FBXL6: variants seen among roughly 807,000 people sequenced by gnomAD.
FBXL6 encodes the protein F-box and leucine rich repeat protein 6, also known as F-box/LRR-repeat protein 6.
FBXL6 carries 50 observed loss-of-function variants against 53.3 expected under a neutral mutation model. The ratio of observed to expected loss-of-function variants is 0.94; its 90% CI spans 0.75 to 1.19. FBXL6 has a LOEUF of 1.19. FBXL6 is among the 50% of genes most tolerant of loss of function. The pLI, the probability that FBXL6 is intolerant of heterozygous loss-of-function variation, is 0.00. For missense variants in FBXL6, 815 were observed against 719.0 expected (o/e 1.13, Z -1.53); for synonymous variants, 405 against 322.9 (o/e 1.25, Z -2.73).
Position 144,357,027 on chromosome 8 carries a change from C to T in FBXL6, c.734G>A (p.Cys245Tyr). ...ADALVMLAKA[C>Y]CQLHSLDLQH... ...TAGGTCCAGGCTATGGAGCTGGCAG[C>T]AGGCTTTGGCTAGCATGACCAGAGC... Residue 245 changes from cysteine to tyrosine, a missense_variant, in exon 4 of 9, where the codon TGC becomes TAC. Physicochemically the swap from Cys to Tyr is radical, Grantham distance 194. Coordinates refer to ENST00000331890, the MANE Select transcript of FBXL6 (RefSeq NM_012162.4). 6.2e-7 allele frequency: 1 copy of T among 1,613,014 alleles called. No individual in the cohort carries two copies. The highest frequency in any genetic ancestry group is 1.7e-5 in the Admixed American group (1 of 60,020).
At position 144,356,227 on chromosome 8, in the gene FBXL6, G is replaced by A; in HGVS notation, c.1226-13C>T. 3 of 1,256,452 alleles carry A rather than the reference G, an allele frequency of 2.4e-6. No individual in the cohort carries two copies. Among genetic ancestry groups the A allele is most frequent in the Non-Finnish European group, 2.0e-6 (2 of 993,220 alleles). The allele number at this position is 1,256,452 out of a possible 1,614,324, so 77.8% of individuals were successfully genotyped here. ...AGCTGCTCCAGCTCTGCAGTGAAAG[G>A]AGTGAGCATAAGCTACAAGGTGACA... On this transcript the variant is annotated splice_polypyrimidine_tract_variant and intron_variant, in intron 7 of 8. Transcript: ENST00000331890.
chr8:144,357,243 C>T, intron 3 of FBXL6, 122 bp from the exon 4 acceptor site: 2 of 1,399,114 alleles, frequency 1.4e-6, no homozygotes, highest in Non-Finnish European at 1.9e-6. Flanking sequence ...CCTTTCTGCC[C>T]ATGCCAGGCC....
At chr8:144,355,881 C>G (rs1302639929) in intron 8 of FBXL6, 87 bp downstream of exon 8, 1 of 1,577,822 alleles carries the variant, frequency 6.3e-7, no homozygotes, top group African/African-American at 1.3e-5. Context: ...CTGGAGGTCT[C>G]AGGCCAGGCA....
chr8:144,356,325 A>G lies in FBXL6; in HGVS notation c.1200T>C (p.Ala400=). 9.8e-7 allele frequency: 1 copy of G among 1,016,044 alleles called. No individual in the cohort carries two copies. The highest frequency in any genetic ancestry group is 1.3e-6 in the Non-Finnish European group (1 of 784,680). The allele number at this position is 1,016,044 out of a possible 1,614,324, so 62.9% of individuals were successfully genotyped here. The change falls in exon 7 of 9, where the codon GCT becomes GCC. Residue 400 remains alanine (A), a synonymous_variant. Transcript: ENST00000331890. ...CCCGACATGGCAGATCCTGAAGGCC[A>G]GCCGGCGTGATGCGCGCACAGCCAC... The part of the protein sequence containing the change: ...DLRGCARITP[A]GLQDLPCREL...
chr8:144,355,726 G>A, intron 8 of FBXL6, 48 bp from the exon 9 acceptor site: 2 of 1,599,036 alleles, frequency 1.3e-6, no homozygotes. Context: ...CCTCAGAAGG[G>A]CTGGGCCAGG....
intron 3 of FBXL6, 58 bp downstream of exon 3, chr8:144,357,381 A>G: frequency 4.5e-6 from 7 of 1,541,976 alleles, no homozygotes; most frequent in Non-Finnish European, 5.3e-6. Flanking sequence ...CACTTCCTAG[A>G]GTACTGAACA....
In FBXL6 at chr8:144,356,661, C is replaced by T. The variant is rs782567879; in HGVS notation, c.932G>A (p.Arg311His). The T allele has an allele frequency of 2.3e-5, 37 of 1,612,568 alleles. No individual in the cohort carries two copies. The highest frequency in any genetic ancestry group is 1.6e-4 in the Middle Eastern group (1 of 6,084). ...AGGCAGCTGAAGGGGAATGCTATTACGGTTGATGCCGGTGCTCACCTCCAG... is the reference window on the plus strand; with the variant it reads ...AGGCAGCTGAAGGGGAATGCTATTATGGTTGATGCCGGTGCTCACCTCCAG... ...QVLEVSTGIN[R>H]NSIPLQLPVE... Residue 311 changes from arginine to histidine, a missense_variant, in exon 6 of 9, where the codon CGT becomes CAT. Coordinates refer to ENST00000331890, the MANE Select transcript of FBXL6 (RefSeq NM_012162.4).
At position 144,357,652 on chromosome 8, in the gene FBXL6, G is replaced by A. The variant is rs1034697377; in HGVS notation, c.551C>T (p.Ser184Phe). ...CCGATTGGGCATAAGCCACTCCAGG[G>A]AAGCAAGGAGCTTCTTCTCCGCCTT... ...GVKAEKKLLA[S>F]LEWLMPNRFS... The change falls in exon 2 of 9, where the codon TCC becomes TTC. Residue 184 changes from serine to phenylalanine, a missense_variant. Ser to Phe is a radical substitution (Grantham distance 155). Coordinates refer to ENST00000331890, the MANE Select transcript of FBXL6 (RefSeq NM_012162.4). 10 of 1,610,536 alleles carry A rather than the reference G, an allele frequency of 6.2e-6. No individual in the cohort carries two copies. The highest frequency in any genetic ancestry group is 1.1e-5 in the South Asian group (1 of 90,920).
rs1818411183 is a variant in FBXL6, at chr8:144,356,296, T to C, written c.1225+4A>G. 1 of 762,332 alleles carries C rather than the reference T, an allele frequency of 1.3e-6. No individual in the cohort carries two copies. Among genetic ancestry groups the C allele is most frequent in the African/African-American group, 2.8e-5 (1 of 35,512 alleles). 47.2% of individuals were successfully genotyped at this position (762,332 alleles called of 1,614,324 possible). On this transcript the variant is annotated splice_donor_region_variant and intron_variant, in intron 7 of 8. Transcript: ENST00000331890. ...CCGCCCGGCCACCACCCAGGACTGC[T>C]GACCCCGACATGGCAGATCCTGAAG... is the stretch of plus-strand genomic sequence containing the variant.
chr8:144,356,565 G>C (rs1818432478), intron 6 of FBXL6, 34 bp from the exon 7 acceptor site: 11 of 1,612,494 alleles, frequency 6.8e-6, no homozygotes, highest in Non-Finnish European at 7.6e-6. Context: ...GATGGGGGAG[G>C]GTGTGACAGG....
In FBXL6 at chr8:144,357,007, C is replaced by T. The variant is rs1818479010; in HGVS notation, c.754G>A (p.Asp252Asn). The change falls in exon 4 of 9, where the codon GAC (aspartate) becomes AAC (asparagine). Residue 252 changes from aspartate to asparagine, a missense_variant. Transcript: ENST00000331890. The stretch of plus-strand genomic sequence containing the variant: ...GGGCTCACCATGGAGTGCTGTAGGT[C>T]CAGGCTATGGAGCTGGCAGCAGGCT... ...AKACCQLHSL[D>N]LQHSMVESTA... is the part of the protein sequence containing the mutation. 1 of 1,612,886 alleles carries T rather than the reference C, an allele frequency of 6.2e-7. No homozygotes were observed.
In FBXL6 at chr8:144,358,245, G is replaced by A. The variant is rs1286722436; in HGVS notation, c.203C>T (p.Pro68Leu). Residue 68 changes from proline (P) to leucine (L), a missense_variant, in exon 1 of 9, where the codon CCC (proline) becomes CTC (leucine). Coordinates refer to ENST00000331890, the MANE Select transcript of FBXL6 (RefSeq NM_012162.4). ...GCTGGGGCCCCGGGGCGGCTGCCGG[G>A]GAGTGCGGCGGGAAGCGCGCCGCTG... ...RAQRRASRRTPRQPPRGPSAA... is the reference protein window; with the variant it reads ...RAQRRASRRTLRQPPRGPSAA... 10 of 1,213,992 alleles carry A rather than the reference G, an allele frequency of 8.2e-6. No homozygotes were observed. Among genetic ancestry groups the A allele is most frequent in the Non-Finnish European group, 1.0e-5 (10 of 976,490 alleles). The allele number at this position is 1,213,992 out of a possible 1,614,324, so 75.2% of individuals were successfully genotyped here. A position where few individuals can be genotyped will look rare whatever the true frequency, so the allele number is the denominator to read the frequency against.
In FBXL6 at chr8:144,358,186, C is replaced by A. The variant is rs782703374; in HGVS notation, c.262G>T (p.Glu88Ter). ...GCGGGTGCGGGCGCGGCCGCCGCCT[C>A]GGACCTGAGCCCGGCCTTGGGCTTG... ...AAKPKAGLRS[E>*]AAAAPAPAPA... Residue 88 changes from glutamate (E) to a stop codon, truncating the protein, a stop_gained, in exon 1 of 9, where the codon GAG becomes TAG. Coordinates refer to ENST00000331890, the MANE Select transcript of FBXL6 (RefSeq NM_012162.4). LOFTEE classifies it high-confidence loss of function. 7.1e-7 allele frequency: 1 copy of A among 1,402,874 alleles called. No homozygotes were observed. Among genetic ancestry groups the A allele is most frequent in the South Asian group, 1.6e-5 (1 of 64,204 alleles). The allele number at this position is 1,402,874 out of a possible 1,614,324, so 86.9% of individuals were successfully genotyped here. A position where few individuals can be genotyped will look rare whatever the true frequency, so the allele number is the denominator to read the frequency against.
chr8:144,356,321 G>A lies in FBXL6; in HGVS notation c.1204C>T (p.Leu402Phe), dbSNP rs781878047. The A allele has an allele frequency of 3.1e-5, 29 of 925,702 alleles. No individual in the cohort carries two copies. In the South Asian group the frequency reaches 4.9e-4, roughly 16 times the overall value. 57.3% of individuals were successfully genotyped at this position (925,702 alleles called of 1,614,324 possible). A position where few individuals can be genotyped will look rare whatever the true frequency, so the allele number is the denominator to read the frequency against. The change falls in exon 7 of 9, where the codon CTT (leucine) becomes TTT (phenylalanine). Residue 402 changes from leucine to phenylalanine, a missense_variant. Transcript: ENST00000331890. ...RGCARITPAGLQDLPCRELEQ... is the reference protein window; with the variant it reads ...RGCARITPAGFQDLPCRELEQ... ...TGACCCCGACATGGCAGATCCTGAAGGCCAGCCGGCGTGATGCGCGCACAG... is the reference window on the plus strand; with the variant it reads ...TGACCCCGACATGGCAGATCCTGAAAGCCAGCCGGCGTGATGCGCGCACAG...
chr8:144,355,919 C>A (rs564676247), intron 8 of FBXL6, 49 bp downstream of exon 8: 4 of 1,602,954 alleles, frequency 2.5e-6, no homozygotes, highest in Non-Finnish European at 3.4e-6. Flanking sequence ...CCCAGGCAGA[C>A]ACAGTGACAG....
In FBXL6 at chr8:144,356,140, A is replaced by C. The variant is rs781827087; in HGVS notation, c.1300T>G (p.Leu434Val). ...LTLAKEGSPF[L>V]TQKWCHTLRE... is the part of the protein sequence containing the mutation. ...AGTGTATGGCACCACTTCTGGGTCAAAAAGGGGCTGCCCTCCTTGGCTAGA... is the reference window on the plus strand; with the variant it reads ...AGTGTATGGCACCACTTCTGGGTCACAAAGGGGCTGCCCTCCTTGGCTAGA... Residue 434 changes from leucine to valine, a missense_variant, in exon 8 of 9, where the codon TTG becomes GTG. Leu to Val is a conservative substitution (Grantham distance 32). Transcript: ENST00000331890. The C allele has an allele frequency of 6.2e-7, 1 of 1,612,976 alleles. No individual in the cohort carries two copies. Among genetic ancestry groups the C allele is most frequent in the African/African-American group, 1.3e-5 (1 of 75,044 alleles).
chr8:144,355,738 T>TAG, intron 8 of FBXL6, 60 bp from the exon 9 acceptor site: 1 of 1,588,816 alleles, frequency 6.3e-7, no homozygotes, highest in Non-Finnish European at 8.6e-7. Context: ...TGGGCCAGGC[T>TAG]AGGGAGCTGT....
Position 144,356,448 on chromosome 8 carries a change from C to T in FBXL6, c.1077G>A (p.Glu359=). 6.2e-7 allele frequency: 1 copy of T among 1,613,030 alleles called. No individual in the cohort carries two copies. The highest frequency in any genetic ancestry group is 1.1e-5 in the South Asian group (1 of 91,088). Residue 359 remains glutamate, a synonymous_variant, in exon 7 of 9, where the codon GAG becomes GAA. Transcript: ENST00000331890. ...VAPGPGFPSL[E]ELCLASSTCN... The stretch of plus-strand genomic sequence containing the variant: ...AGGTTGAGCTCGCCAGGCAGAGCTC[C>T]TCTAGGCTAGGGAAGCCTGGTCCGG...
chr8:144,356,755 C>A, intron 5 of FBXL6, 42 bp from the exon 6 acceptor site: 1 of 1,611,136 alleles, frequency 6.2e-7, no homozygotes, highest in Non-Finnish European at 8.5e-7. Flanking sequence ...GGGTCAGTGG[C>A]CTGGCAGTCC....
Sources: gnomAD v4.1 joint callset for allele counts on GRCh38, gnomAD v4.1.1 for gene constraint, MANE v1.5 for transcripts, NCBI Gene and HGNC (gene_info 2026-07-23, HGNC 2026-07-21) for gene names.